Variants in CAST observed in about 807,000 individuals in gnomAD.
CAST encodes calpastatin, also known as MIR583 host.
A neutral mutation model predicts 119.6 loss-of-function variants in CAST; 76 were observed. The observed-to-expected ratio is 0.64, with a 90% CI of 0.53 to 0.77. The LOEUF is 0.77. Among genes scored for constraint, CAST ranks in the 30% least tolerant of loss-of-function variants. The pLI, the probability that CAST is intolerant of heterozygous loss-of-function variation, is 0.00. For synonymous variants in CAST, 319 were observed against 331.6 expected (o/e 0.96, Z 0.41); for missense variants, 953 against 946.5 (o/e 1.01, Z -0.09).
Position 96,534,110 on chromosome 5 carries a change from T to A in CAST, c.60+4230T>A, listed in dbSNP as rs190255567. On this transcript the variant is annotated intron_variant, in intron 1 of 11. Transcript: ENST00000505143. ...CCTGACAGGTTCCTAATACTTAAAG[T>A]TTTTCTGATGAGCTCAGTAGTAATA... Among the ~76,000 whole-genome samples the A allele has an allele frequency of 9.3e-4, 142 of 152,296 alleles. 1 individual carries two copies. Among genetic ancestry groups the A allele is most frequent in the Admixed American group, 8.2e-3 (125 of 15,296 alleles).
chr5:96,049,919 A>C, the CAST span, among the ~76,000 whole-genome samples: 2 of 119,228 alleles, frequency 1.7e-5, no homozygotes, highest in Non-Finnish European at 3.7e-5. Flanking sequence ...AAAAAAAAAG[A>C]AAAAGAAAAA....
At chr5:96,514,180 G>A in the CAST span, among the ~76,000 whole-genome samples, 4 of 152,196 alleles carry the variant, frequency 2.6e-5, no homozygotes, top group Admixed American at 6.5e-5. Flanking sequence ...GGACTTCAAC[G>A]CATATTTTTA....
chr5:96,411,030 G>T, the CAST span: 1 of 1,377,988 alleles, frequency 7.3e-7, no homozygotes, highest in South Asian at 1.2e-5. Flanking sequence ...ATCATCTATT[G>T]GGGTCATTGT....
chr5:96,574,515 T>C (rs985503151), intron 1 of CAST, among the ~76,000 whole-genome samples: 2 of 152,236 alleles, frequency 1.3e-5, no homozygotes, highest in Non-Finnish European at 2.9e-5. Context: ...ACATGGGCTT[T>C]CACATAGCAA....
chr5:96,390,671 G>T, the CAST span: 1 of 152,554 alleles, frequency 6.6e-6, no homozygotes. Context: ...AATTCTGTTT[G>T]ATAAAAGCAT....
chr5:96,632,817 G>C (rs1002127327), intron 1 of CAST, among the ~76,000 whole-genome samples: 1 of 152,124 alleles, frequency 6.6e-6, no homozygotes, highest in African/African-American at 2.4e-5. Context: ...ACAGTAGCAC[G>C]CTGTATTGAT....
the CAST span, among the ~76,000 whole-genome samples, chr5:96,286,990 G>A: frequency 6.6e-6 from 1 of 152,152 alleles, no homozygotes; most frequent in African/African-American, 2.4e-5. Flanking sequence ...TTGAAAAGTA[G>A]AATTTTCTTG....
the CAST span, among the ~76,000 whole-genome samples, chr5:96,302,888 A>G: frequency 6.6e-6 from 1 of 152,042 alleles, no homozygotes; most frequent in Non-Finnish European, 1.5e-5. Flanking sequence ...CTGAGTCCAA[A>G]CTGTTCCAAT....
the CAST span, among the ~76,000 whole-genome samples, chr5:95,988,795 A>G: frequency 7.9e-5 from 12 of 152,350 alleles, no homozygotes; most frequent in African/African-American, 2.4e-4. Context: ...TCTTTAGAAT[A>G]GAATCTGACA....
At chr5:96,547,637 C>G (rs1333219826) in intron 1 of CAST, among the ~76,000 whole-genome samples, 1 of 152,176 alleles carries the variant, frequency 6.6e-6, no homozygotes, top group Non-Finnish European at 1.5e-5. Flanking sequence ...ACTTTTAACT[C>G]GGAGTAGTTG....
At chr5:96,590,455 T>C (rs1466855579) in intron 1 of CAST, among the ~76,000 whole-genome samples, 1 of 152,104 alleles carries the variant, frequency 6.6e-6, no homozygotes, top group Non-Finnish European at 1.5e-5. Flanking sequence ...AGCAGATGGG[T>C]GGAATTGACT....
At chr5:96,078,144 G>T in the CAST span, among the ~76,000 whole-genome samples, 2 of 152,096 alleles carry the variant, frequency 1.3e-5, no homozygotes, top group Admixed American at 1.3e-4. Flanking sequence ...TATGATAAAG[G>T]TACTAATTCC....
chr5:96,180,021 T>C, the CAST span, among the ~76,000 whole-genome samples: 1 of 147,230 alleles, frequency 6.8e-6, no homozygotes, highest in African/African-American at 2.7e-5. Context: ...AGACTCCATC[T>C]CAAAAAGAAA....
the CAST span, chr5:96,410,640 T>C: frequency 6.5e-6 from 5 of 767,362 alleles, no homozygotes; most frequent in Non-Finnish European, 1.2e-5. Context: ...TTCAAGTGAG[T>C]AAGTGTGAGT....
At chr5:96,103,569 A>T in the CAST span, among the ~76,000 whole-genome samples, 1 of 150,418 alleles carries the variant, frequency 6.6e-6, no homozygotes, top group Non-Finnish European at 1.5e-5. Flanking sequence ...CATGGTGTAT[A>T]TGTGCCACAT....
the CAST span, among the ~76,000 whole-genome samples, chr5:96,299,288 CAACA>C: frequency 0.029 from 3,037 of 103,626 alleles, 114 homozygotes; most frequent in African/African-American, 0.11. Flanking sequence ...ACAACAACAA[CAACA>C]AACAAACAAA....
chr5:96,490,092 G>A, the CAST span, among the ~76,000 whole-genome samples: 2 of 152,162 alleles, frequency 1.3e-5, no homozygotes, highest in Non-Finnish European at 2.9e-5. Context: ...GCCAACCACT[G>A]GCAAGGGCCA....
At chr5:96,421,829 G>C in the CAST span, 22 of 995,184 alleles carry the variant, frequency 2.2e-5, no homozygotes, top group African/African-American at 3.5e-4. Flanking sequence ...TCTCAAACAA[G>C]ATAAAAGCAT....
chr5:96,374,610 G>A, the CAST span, among the ~76,000 whole-genome samples: 2 of 152,174 alleles, frequency 1.3e-5, no homozygotes, highest in African/African-American at 2.4e-5. Context: ...TTTTGAAAAT[G>A]CTCTCTTATG....
Sources: allele counts gnomAD v4.1 joint callset (sites outside exome capture counted in the v4.1 genomes callset), GRCh38; gene constraint gnomAD v4.1.1; transcripts MANE v1.5; gene names NCBI Gene and HGNC (gene_info 2026-07-23, HGNC 2026-07-21).